Variants in ZFPM1 observed in about 807,000 individuals in gnomAD.
ZFPM1 encodes the protein zinc finger protein, FOG family member 1.
A neutral mutation model predicts 46.3 loss-of-function variants in ZFPM1; 28 were observed. The observed-to-expected ratio is 0.60, with a 90% CI of 0.45 to 0.83. ZFPM1 has a LOEUF of 0.83. ZFPM1 is among the 40% of genes least tolerant of loss of function. ZFPM1 has a pLI of 0.00. For synonymous variants in ZFPM1, 957 were observed against 675.9 expected, an observed-to-expected ratio of 1.42 and a Z score of -6.45; for missense variants, 1,878 against 1,432.4, an observed-to-expected ratio of 1.31 and a Z score of -5.02.
rs1015793402 is a variant in ZFPM1, at chr16:88,506,573, G to A, written c.269-7814G>A. On this transcript the variant is annotated intron_variant, in intron 3 of 9. Transcript: ENST00000319555. ...GTGGTGGCCATCACTGGGTGTGCAC[G>A]GGGCACAGCTCTGAGGAGCAGAGCC... Among the ~76,000 whole-genome samples, 6 of 152,172 alleles carry A rather than the reference G, an allele frequency of 3.9e-5. No homozygotes were observed. In the East Asian group the frequency reaches 5.8e-4, roughly 15 times the overall value.
intron 1 of ZFPM1, among the ~76,000 whole-genome samples, chr16:88,482,222 G>A (rs971255404): frequency 2.0e-5 from 3 of 152,066 alleles, no homozygotes; most frequent in African/African-American, 7.2e-5. Context: ...CCCAGCCACT[G>A]GGGGCCCAAG....
rs565435770 is a variant in ZFPM1 at position 88,503,003 on chromosome 16, A to G, written c.269-11384A>G. ...GCCATGAAGGCCCCTCAGGGCTGGA[A>G]GGCTGTGTGCGGTCTCTTCGGCAGG... is the stretch of plus-strand genomic sequence containing the variant. On this transcript the variant is annotated intron_variant, in intron 3 of 9. Coordinates refer to ENST00000319555, the MANE Select transcript of ZFPM1 (RefSeq NM_153813.3). 5.9e-5 allele frequency among the ~76,000 whole-genome samples: 9 copies of G among 152,344 alleles called. 1 individual carries two copies. The South Asian group carries it at 1.9e-3, about 32-fold the overall frequency.
At chr16:88,487,716 A>G (rs1909312198) in intron 2 of ZFPM1, among the ~76,000 whole-genome samples, 1 of 151,984 alleles carries the variant, frequency 6.6e-6, no homozygotes, top group Admixed American at 6.5e-5. Context: ...AGCAGGCCTC[A>G]CCCCCATCTG....
rs1015603278 is a variant in ZFPM1, at chr16:88,534,229, C to A, written c.2271C>A (p.Pro757=). The change falls in exon 10 of 10, where the codon CCC becomes CCA. Residue 757 remains proline, a synonymous_variant. Transcript: ENST00000319555. ...TGCACGCGGCCGGCGCCCCGCCCCC[C>A]CCGCCGCCCGGCCACGCCCCCGCGC... The part of the protein sequence containing the change: ...YELHAAGAPP[P]PPPGHAPAPE... The A allele has an allele frequency of 1.7e-5, 17 of 986,584 alleles. No homozygotes were observed. The highest frequency in any genetic ancestry group is 1.9e-5 in the Non-Finnish European group (16 of 832,494). The allele number at this position is 986,584 out of a possible 1,614,324, so 61.1% of individuals were successfully genotyped here. A position where few individuals can be genotyped will look rare whatever the true frequency, so the allele number is the denominator to read the frequency against.
intron 6 of ZFPM1, among the ~76,000 whole-genome samples, chr16:88,531,455 G>A (rs947268409): frequency 1.5e-4 from 23 of 152,266 alleles, no homozygotes; most frequent in African/African-American, 5.3e-4. Context: ...GTGTGTGGGC[G>A]CATGGGGGCT....
chr16:88,485,629 A>C (rs1392751746), intron 1 of ZFPM1, among the ~76,000 whole-genome samples: 1 of 151,736 alleles, frequency 6.6e-6, no homozygotes, highest in Admixed American at 6.6e-5. Context: ...TTATAGAGAC[A>C]GGGTCTTGCC....
chr16:88,504,701 C>T (rs989776241), intron 3 of ZFPM1, among the ~76,000 whole-genome samples: 11 of 152,166 alleles, frequency 7.2e-5, no homozygotes, highest in Non-Finnish European at 1.5e-4. Flanking sequence ...CTGCCCCAGA[C>T]GGGGCCAAGG....
chr16:88,493,660 C>T (rs994735524), intron 3 of ZFPM1, among the ~76,000 whole-genome samples: 29 of 147,060 alleles, frequency 2.0e-4, no homozygotes, highest in African/African-American at 4.1e-4. Context: ...TCCCGGGGTG[C>T]GGGGAGCTGT....
At chr16:88,507,779 C>A (rs186670394) in intron 3 of ZFPM1, among the ~76,000 whole-genome samples, 193 of 152,298 alleles carry the variant, frequency 1.3e-3, no homozygotes, top group African/African-American at 4.4e-3. Context: ...CACCCATGCA[C>A]CCAGGCATTC....
intron 1 of ZFPM1, among the ~76,000 whole-genome samples, chr16:88,460,317 G>A (rs1340088306): frequency 2.0e-5 from 3 of 152,204 alleles, no homozygotes; most frequent in Non-Finnish European, 4.4e-5. Context: ...AGCCTGGGAA[G>A]GTGGGTCAGG....
rs960747723 is a variant in ZFPM1 at position 88,482,005 on chromosome 16, G to A, written c.41-3934G>A. On this transcript the variant is annotated intron_variant, in intron 1 of 9. Coordinates refer to ENST00000319555, the MANE Select transcript of ZFPM1 (RefSeq NM_153813.3). ...GCTGTGGCTTCCATCTGTAGACCGG[G>A]AAACTGAGCACAGAGAGTGGAGTGA... Among the ~76,000 whole-genome samples, 4 of 152,194 alleles carry A rather than the reference G, an allele frequency of 2.6e-5. No homozygotes were observed. The South Asian group carries it at 6.2e-4, about 24-fold the overall frequency.
At chr16:88,454,738 G>A (rs1214666913) in intron 1 of ZFPM1, among the ~76,000 whole-genome samples, 1 of 152,248 alleles carries the variant, frequency 6.6e-6, no homozygotes, top group Admixed American at 6.5e-5. Context: ...CTCACAGTTA[G>A]GGCCCAGACG....
intron 4 of ZFPM1, among the ~76,000 whole-genome samples, chr16:88,525,894 G>A (rs1462061844): frequency 2.0e-5 from 3 of 152,230 alleles, no homozygotes; most frequent in South Asian, 2.1e-4. Context: ...CCACGGGCTC[G>A]GCCCAGAGTG....
In ZFPM1 at chr16:88,534,403, C is replaced by T; in HGVS notation, c.2445C>T (p.Asp815=). 2.0e-6 allele frequency: 3 copies of T among 1,481,600 alleles called. No homozygotes were observed. The highest frequency in any genetic ancestry group is 2.7e-6 in the Non-Finnish European group (3 of 1,122,646). 91.8% of individuals were successfully genotyped at this position (1,481,600 alleles called of 1,614,324 possible). Residue 815 remains aspartate, a synonymous_variant, in exon 10 of 10, where the codon GAC becomes GAT. Transcript: ENST00000319555. ...LPGAPAPALA[D]YHECTACRVS... Reference sequence around the variant, plus strand: ...GAGCCCCGGCACCGGCGCTGGCCGACTACCACGAGTGCACGGCCTGCCGCG... The same window carrying T: ...GAGCCCCGGCACCGGCGCTGGCCGATTACCACGAGTGCACGGCCTGCCGCG...
chr16:88,486,621 G>A, intron 2 of ZFPM1, among the ~76,000 whole-genome samples: 1 of 151,672 alleles, frequency 6.6e-6, no homozygotes, highest in South Asian at 2.1e-4. Flanking sequence ...TGGGTGCTGG[G>A]TGCACAGTGG....
chr16:88,528,036 C>T lies in ZFPM1; in HGVS notation c.510C>T (p.Asp170=), dbSNP rs771472794. Residue 170 remains aspartate, a synonymous_variant, in exon 6 of 10, where the codon GAC becomes GAT. Coordinates refer to ENST00000319555, the MANE Select transcript of ZFPM1 (RefSeq NM_153813.3). The part of the protein sequence containing the change: ...EANTEIHRKD[D]ALWCRVTKPV... ...TGGACACCTGTCTCCCTCCAGATGA[C>T]GCACTCTGGTGCAGGGTCACCAAGC... 5.6e-5 allele frequency: 87 copies of T among 1,541,216 alleles called. No individual in the cohort carries two copies. In the Admixed American group the frequency reaches 6.3e-4, roughly 11 times the overall value.
intron 4 of ZFPM1, among the ~76,000 whole-genome samples, chr16:88,522,760 A>G (rs1175501012): frequency 6.6e-6 from 1 of 152,198 alleles, no homozygotes; most frequent in African/African-American, 2.4e-5. Flanking sequence ...GGCGGCAAAC[A>G]GGGTGGGCTC....
intron 1 of ZFPM1, among the ~76,000 whole-genome samples, chr16:88,485,151 G>A (rs1024556040): frequency 6.6e-6 from 1 of 152,198 alleles, no homozygotes; most frequent in Non-Finnish European, 1.5e-5. Flanking sequence ...GTGATGCCAG[G>A]CGGAGGCCGT....
In ZFPM1 at chr16:88,534,624, G is replaced by C. The variant is rs1913134974; in HGVS notation, c.2666G>C (p.Gly889Ala). The change falls in exon 10 of 10, where the codon GGG (glycine) becomes GCG (alanine). Residue 889 changes from glycine (G) to alanine (A), a missense_variant. Physicochemically the swap from Gly to Ala is moderately conservative, Grantham distance 60. Coordinates refer to ENST00000319555, the MANE Select transcript of ZFPM1 (RefSeq NM_153813.3). Reference sequence around the variant, plus strand: ...CTCGGCGCGCCCCTGGCCGGCCCGGGGGTCGAGGCCCGGACGCCGGCCGAC... The same window carrying C: ...CTCGGCGCGCCCCTGGCCGGCCCGGCGGTCGAGGCCCGGACGCCGGCCGAC... Reference protein sequence around the residue: ...LLLGAPLAGPGVEARTPADRG... With the variant: ...LLLGAPLAGPAVEARTPADRG... The C allele has an allele frequency of 1.1e-5, 12 of 1,117,164 alleles. No homozygotes were observed. Among genetic ancestry groups the C allele is most frequent in the Non-Finnish European group, 1.3e-5 (12 of 916,084 alleles). The allele number at this position is 1,117,164 out of a possible 1,614,324, so 69.2% of individuals were successfully genotyped here. A position where few individuals can be genotyped will look rare whatever the true frequency, so the allele number is the denominator to read the frequency against.
Sources: allele counts gnomAD v4.1 joint callset (sites outside exome capture counted in the v4.1 genomes callset), GRCh38; gene constraint gnomAD v4.1.1; transcripts MANE v1.5; gene names NCBI Gene and HGNC (gene_info 2026-07-23, HGNC 2026-07-21).